VGLL4: variants seen among roughly 807,000 people sequenced by gnomAD.
The protein encoded by VGLL4 is vestigial like family member 4.
In VGLL4, 7 loss-of-function variants were observed where a neutral mutation model predicts 21.0. That is an observed-to-expected ratio of 0.33 (90% confidence interval 0.19 to 0.63). The LOEUF is 0.63. Ranked by LOEUF, VGLL4 falls within the 20% of genes least tolerant of loss-of-function variation. VGLL4 has a pLI of 0.78. For missense variants in VGLL4, 394 were observed against 425.7 expected (o/e 0.93, Z 0.66); for synonymous variants, 222 against 173.2 (o/e 1.28, Z -2.21).
chr3:11,642,955 T>C (rs1426090230), intron 1 of VGLL4, among the ~76,000 whole-genome samples: 2 of 152,046 alleles, frequency 1.3e-5, no homozygotes, highest in African/African-American at 4.8e-5. Flanking sequence ...CTCCGCTGTT[T>C]GGGACGCTCA....
intron 2 of VGLL4, among the ~76,000 whole-genome samples, chr3:11,670,194 G>C (rs1410750368): frequency 7.7e-6 from 1 of 129,590 alleles, no homozygotes; most frequent in Non-Finnish European, 1.7e-5. Context: ...CTTTTTCTAC[G>C]CCCCTCCCAC....
intron 1 of VGLL4, among the ~76,000 whole-genome samples, chr3:11,707,968 CT>C (rs1487079038): frequency 6.6e-6 from 1 of 152,146 alleles, no homozygotes; most frequent in Non-Finnish European, 1.5e-5. Context: ...AAAACCATGG[CT>C]ACAGTATTAG....
chr3:11,563,899 A>C (rs9832407), intron 3 of VGLL4, among the ~76,000 whole-genome samples: 3 of 152,026 alleles, frequency 2.0e-5, no homozygotes, highest in Admixed American at 1.3e-4. Context: ...TACCCCACCC[A>C]CAGTTTCAAC....
intron 2 of VGLL4, among the ~76,000 whole-genome samples, chr3:11,655,823 C>G (rs1298802292): frequency 1.3e-5 from 2 of 152,128 alleles, no homozygotes; most frequent in African/African-American, 2.4e-5. Context: ...TCATTTCAGG[C>G]CTGTGTACTC....
intron 2 of VGLL4, among the ~76,000 whole-genome samples, chr3:11,699,184 A>C (rs992639676): frequency 6.6e-6 from 1 of 152,246 alleles, no homozygotes; most frequent in Non-Finnish European, 1.5e-5. Context: ...AGTAAGTCTA[A>C]GAAATCCACT....
At chr3:11,638,071 T>C (rs575511669) in intron 1 of VGLL4, among the ~76,000 whole-genome samples, 1 of 152,292 alleles carries the variant, frequency 6.6e-6, no homozygotes, top group Non-Finnish European at 1.5e-5. Flanking sequence ...TAAATCTGGA[T>C]CTAATTTCTT....
chr3:11,625,451 C>CTA (rs1361577990), intron 1 of VGLL4, among the ~76,000 whole-genome samples: 1 of 152,224 alleles, frequency 6.6e-6, no homozygotes, highest in Admixed American at 6.5e-5. Context: ...ATATCCATAT[C>CTA]TATAGCTCCA....
At chr3:11,637,702 C>T (rs900850326) in intron 1 of VGLL4, among the ~76,000 whole-genome samples, 1 of 152,104 alleles carries the variant, frequency 6.6e-6, no homozygotes, top group Non-Finnish European at 1.5e-5. Context: ...ATAATTCCTT[C>T]GAACTTACAG....
intron 2 of VGLL4, among the ~76,000 whole-genome samples, chr3:11,670,655 C>G (rs1206262578): frequency 2.0e-5 from 3 of 152,092 alleles, no homozygotes; most frequent in East Asian, 3.8e-4. Flanking sequence ...AAGTAAATGT[C>G]TATACTGACT....
rs113995706 is a variant in VGLL4 at position 11,617,489 on chromosome 3, G to A, written c.83-15467C>T. On this transcript the variant is annotated intron_variant, in intron 1 of 4. Coordinates refer to ENST00000430365, the MANE Select transcript of VGLL4 (RefSeq NM_001128219.3). ...CCATGCCAGATGGGTGCACACACCT[G>A]AGTCAGGGAACAGGGCAGGGACGCA... 1.3e-3 allele frequency among the ~76,000 whole-genome samples: 205 copies of A among 152,322 alleles called. 1 individual carries two copies. Among genetic ancestry groups the A allele is most frequent in the African/African-American group, 4.5e-3 (186 of 41,574 alleles).
chr3:11,712,226 A>G (rs1421558447), intron 1 of VGLL4, among the ~76,000 whole-genome samples: 1 of 152,078 alleles, frequency 6.6e-6, no homozygotes, highest in Admixed American at 6.5e-5. Flanking sequence ...CTGAAAGCCT[A>G]TTTTGCTCTA....
chr3:11,608,371 A>G (rs1212445099), intron 1 of VGLL4, among the ~76,000 whole-genome samples: 1 of 152,186 alleles, frequency 6.6e-6, no homozygotes, highest in African/African-American at 2.4e-5. Context: ...TATATACAAA[A>G]TTAACTCCTG....
chr3:11,716,794 G>T (rs1419138866), intron 1 of VGLL4, among the ~76,000 whole-genome samples: 2 of 150,530 alleles, frequency 1.3e-5, no homozygotes, highest in East Asian at 2.0e-4. Context: ...ATGATACTGG[G>T]TTTTTTTTTG....
At chr3:11,721,654 C>T (rs1273287145), upstream of VGLL4, 5 of 152,344 alleles carry the variant, frequency 3.3e-5, 1 homozygote, top group African/African-American at 1.2e-4. Flanking sequence ...CTGCCAAACT[C>T]AGACAGGGAA....
At chr3:11,635,624 T>G (rs2075571609) in intron 1 of VGLL4, among the ~76,000 whole-genome samples, 1 of 152,238 alleles carries the variant, frequency 6.6e-6, no homozygotes, top group South Asian at 2.1e-4. Context: ...ATGTCCACTG[T>G]GAGTTCTGGA....
chr3:11,711,932 A>G (rs2125413893), intron 1 of VGLL4, among the ~76,000 whole-genome samples: 1 of 152,286 alleles, frequency 6.6e-6, no homozygotes, highest in East Asian at 1.9e-4. Context: ...TCTGGTGGCG[A>G]CATGCAAGCA....
intron 2 of VGLL4, among the ~76,000 whole-genome samples, chr3:11,650,775 A>T (rs986041996): frequency 2.0e-5 from 3 of 152,056 alleles, no homozygotes; most frequent in African/African-American, 7.2e-5. Flanking sequence ...TGTAAATAAT[A>T]TTCAAAACAG....
chr3:11,590,692 G>C (rs980432595), intron 2 of VGLL4, among the ~76,000 whole-genome samples: 75 of 151,910 alleles, frequency 4.9e-4, no homozygotes, highest in African/African-American at 1.6e-3. Context: ...GTGTGTGTGT[G>C]TGTGTGTGTG....
At chr3:11,687,727 G>T (rs1188950674) in intron 2 of VGLL4, among the ~76,000 whole-genome samples, 1 of 152,134 alleles carries the variant, frequency 6.6e-6, no homozygotes, top group African/African-American at 2.4e-5. Context: ...AGTCCTAGGA[G>T]GTTTTCCCCC....
Sources: allele counts gnomAD v4.1 joint callset (sites outside exome capture counted in the v4.1 genomes callset), GRCh38; gene constraint gnomAD v4.1.1; transcripts MANE v1.5; gene names NCBI Gene and HGNC (gene_info 2026-07-23, HGNC 2026-07-21).